NBEAL1: variants seen among roughly 807,000 people sequenced by gnomAD.
NBEAL1 encodes the protein neurobeachin-like protein 1.
Under a neutral mutation model 351.3 loss-of-function variants are expected in NBEAL1, and 273 were observed. The ratio of observed to expected loss-of-function variants is 0.78; its 90% CI spans 0.70 to 0.86. NBEAL1 has a LOEUF of 0.86. NBEAL1 is among the 40% of genes least tolerant of loss of function. The pLI, the probability that NBEAL1 is intolerant of heterozygous loss-of-function variation, is 0.00. For synonymous variants in NBEAL1, 1,050 were observed against 1,086.4 expected (o/e 0.97, Z 0.66); for missense variants, 2,961 against 3,201.3 (o/e 0.92, Z 1.81).
intron 53 of NBEAL1, among the ~76,000 whole-genome samples, chr2:203,209,788 G>A (rs2065728394): frequency 6.6e-6 from 1 of 150,672 alleles, no homozygotes; most frequent in Non-Finnish European, 1.5e-5. Context: ...CCAAGCTGGA[G>A]TGCAGTGGCG....
chr2:203,175,922 T>C (rs2064484989), intron 42 of NBEAL1, among the ~76,000 whole-genome samples: 1 of 152,196 alleles, frequency 6.6e-6, no homozygotes, highest in African/African-American at 2.4e-5. Flanking sequence ...TTCTGTTCTC[T>C]TTCCATGTAG....
intron 47 of NBEAL1, among the ~76,000 whole-genome samples, chr2:203,194,624 T>C (rs541784165): frequency 1.1e-4 from 17 of 152,334 alleles, no homozygotes; most frequent in African/African-American, 4.1e-4. Context: ...AAATATTTTG[T>C]GCTTTGCAGG....
At chr2:203,159,128 C>T (rs2063878963) in intron 36 of NBEAL1, among the ~76,000 whole-genome samples, 1 of 152,084 alleles carries the variant, frequency 6.6e-6, no homozygotes, top group African/African-American at 2.4e-5. Context: ...GCACCCAGCC[C>T]TCTAGTATTT....
Position 203,136,585 on chromosome 2 carries a change from T to C in NBEAL1, c.4390-14T>C, listed in dbSNP as rs1285929734. On this transcript the variant is annotated splice_polypyrimidine_tract_variant and intron_variant, in intron 28 of 55. Transcript: ENST00000683969. Reference sequence around the variant, plus strand: ...ACCCTCTAGTTATTTAAAATTACTTTATATTTTCCATAGAGATGTGAGGAG... The same window carrying C: ...ACCCTCTAGTTATTTAAAATTACTTCATATTTTCCATAGAGATGTGAGGAG... 6.3e-7 allele frequency: 1 copy of C among 1,580,242 alleles called. No individual in the cohort carries two copies. Among genetic ancestry groups the C allele is most frequent in the Non-Finnish European group, 8.7e-7 (1 of 1,155,430 alleles).
rs142357515 is a variant in NBEAL1 at position 203,219,148 on chromosome 2, T to A, written c.*1794T>A. The A allele has an allele frequency of 1.8e-4, 28 of 152,260 alleles. No individual in the cohort carries two copies. The highest frequency in any genetic ancestry group is 6.5e-4 in the Admixed American group (10 of 15,286). The allele number at this position is 152,260 out of a possible 1,614,324, so 9.4% of individuals were successfully genotyped here. ...GTGCCACCGTGGCTATCTTTTTTTT[T>A]ATCTTACAGTTTTTTAGGAGATTTC... On this transcript the variant is annotated 3_prime_UTR_variant, in exon 56 of 56. Transcript: ENST00000683969.
At chr2:203,135,545 A>G (rs1384376510) in intron 27 of NBEAL1, 132 bp from the exon 28 acceptor site, 2 of 616,276 alleles carry the variant, frequency 3.2e-6, no homozygotes, top group Admixed American at 3.5e-5. Flanking sequence ...TTAAGAATAT[A>G]ATCTTTTGAA....
At chr2:203,210,242 A>C (rs2065745170) in intron 53 of NBEAL1, among the ~76,000 whole-genome samples, 1 of 151,846 alleles carries the variant, frequency 6.6e-6, no homozygotes. Flanking sequence ...GCATGCCTGT[A>C]GTCCCAGCTA....
In NBEAL1 at chr2:203,034,399, C is replaced by T. The variant is rs373050493; in HGVS notation, c.52-7366C>T. On this transcript the variant is annotated intron_variant, in intron 2 of 55. Transcript: ENST00000683969. ...GTCTCGATATCCTGACCTTGCGATC[C>T]GCCCACCTTGGCCTCCCAAAATGCT... Among the ~76,000 whole-genome samples, 5 of 132,614 alleles carry T rather than the reference C, an allele frequency of 3.8e-5. 1 individual carries two copies. The highest frequency in any genetic ancestry group is 7.6e-5 in the Admixed American group (1 of 13,106). 87.0% of individuals were successfully genotyped at this position (132,614 alleles called of 152,430 possible).
At chr2:203,121,568 C>T (rs955878678) in intron 18 of NBEAL1, among the ~76,000 whole-genome samples, 3 of 150,740 alleles carry the variant, frequency 2.0e-5, no homozygotes, top group Non-Finnish European at 4.4e-5. Flanking sequence ...AGGAGAATTG[C>T]TCGAATCTGG....
intron 15 of NBEAL1, 139 bp from the exon 16 acceptor site, chr2:203,111,833 TTACTTTG>T (rs2062579619): frequency 1.1e-6 from 1 of 903,948 alleles, no homozygotes; most frequent in African/African-American, 1.7e-5. Flanking sequence ...GAAAAAATTG[TTACTTTG>T]AGAACATCAA....
chr2:203,145,053 G>A lies in NBEAL1; in HGVS notation c.5197G>A (p.Asp1733Asn), dbSNP rs369170446. The A allele has an allele frequency of 1.1e-4, 176 of 1,610,086 alleles. No homozygotes were observed. Among genetic ancestry groups the A allele is most frequent in the African/African-American group, 1.3e-4 (10 of 74,754 alleles). The change falls in exon 33 of 56, where the codon GAT (aspartate) becomes AAT (asparagine). Residue 1733 changes from aspartate to asparagine, a missense_variant. By Grantham distance (23) the Asp-to-Asn change is conservative. Coordinates refer to ENST00000683969, the MANE Select transcript of NBEAL1 (RefSeq NM_001378026.1). Reference sequence around the variant, plus strand: ...GCAGTATGAAGCTCATACATTTTACGATGGTCATGAGAACATGGCACTTTA... The same window carrying A: ...GCAGTATGAAGCTCATACATTTTACAATGGTCATGAGAACATGGCACTTTA... ...MKQYEAHTFY[D>N]GHENMALYWK...
At chr2:203,066,411 C>T (rs1026076198) in intron 6 of NBEAL1, among the ~76,000 whole-genome samples, 22 of 150,268 alleles carry the variant, frequency 1.5e-4, no homozygotes, top group Non-Finnish European at 7.4e-5. Context: ...TATAGATTAA[C>T]AGCATCCCAA....
At chr2:203,023,154 C>T (rs548208913) in intron 2 of NBEAL1, among the ~76,000 whole-genome samples, 1 of 152,266 alleles carries the variant, frequency 6.6e-6, no homozygotes, top group East Asian at 1.9e-4. Context: ...CTTATTAGTA[C>T]AATTTTGGTT....
At chr2:203,020,355 C>T (rs1034268901) in intron 2 of NBEAL1, among the ~76,000 whole-genome samples, 1 of 152,086 alleles carries the variant, frequency 6.6e-6, no homozygotes, top group African/African-American at 2.4e-5. Context: ...ATTCTTTCAC[C>T]AGTGTATAAG....
chr2:203,114,111 C>G (rs997472298), intron 17 of NBEAL1, among the ~76,000 whole-genome samples: 1 of 151,970 alleles, frequency 6.6e-6, no homozygotes, highest in Non-Finnish European at 1.5e-5. Flanking sequence ...CGTGAGCCAC[C>G]GCGCCCAGCC....
chr2:203,025,199 T>A (rs2060837020), intron 2 of NBEAL1, among the ~76,000 whole-genome samples: 1 of 152,212 alleles, frequency 6.6e-6, no homozygotes, highest in African/African-American at 2.4e-5. Context: ...CTTTATAAAT[T>A]GAACTGTCAC....
At chr2:203,169,310 T>G (rs2064242390) in intron 38 of NBEAL1, among the ~76,000 whole-genome samples, 1 of 150,216 alleles carries the variant, frequency 6.7e-6, no homozygotes, top group African/African-American at 2.5e-5. Flanking sequence ...TGTTAGTGAC[T>G]ATGGGATTTC....
chr2:203,037,773 G>A (rs532390821), intron 2 of NBEAL1, among the ~76,000 whole-genome samples: 5 of 148,610 alleles, frequency 3.4e-5, no homozygotes, highest in African/African-American at 9.8e-5. Flanking sequence ...GTTTGAGACC[G>A]TAACAAGACC....
At chr2:203,096,677 T>C (rs1341058143) in intron 10 of NBEAL1, among the ~76,000 whole-genome samples, 1 of 152,222 alleles carries the variant, frequency 6.6e-6, no homozygotes, top group African/African-American at 2.4e-5. Flanking sequence ...TCTTGATGAC[T>C]TTGGAGAATA....
Sources: allele counts gnomAD v4.1 joint callset (sites outside exome capture counted in the v4.1 genomes callset), GRCh38; gene constraint gnomAD v4.1.1; transcripts MANE v1.5; gene names NCBI Gene and HGNC (gene_info 2026-07-23, HGNC 2026-07-21).